Variants in CHST11 observed in about 807,000 individuals in gnomAD.
CHST11 encodes C4S-1.
CHST11 carries 9 observed loss-of-function variants against 30.4 expected under a neutral mutation model. The observed-to-expected ratio is 0.30, with a 90% CI of 0.18 to 0.52. CHST11 has a LOEUF of 0.52. Among genes scored for constraint, CHST11 ranks in the 20% least tolerant of loss-of-function variants. CHST11 has a pLI of 0.97. For missense variants in CHST11, 348 were observed against 460.6 expected, an observed-to-expected ratio of 0.76 and a Z score of 2.24; for synonymous variants, 152 against 187.8, an observed-to-expected ratio of 0.81 and a Z score of 1.56.
At chr12:104,632,542 CTG>C (rs1297361660) in intron 2 of CHST11, among the ~76,000 whole-genome samples, 3 of 152,258 alleles carry the variant, frequency 2.0e-5, no homozygotes, top group Non-Finnish European at 4.4e-5. Context: ...GATTCTCTAA[CTG>C]TGGAATTTCA....
At chr12:104,708,865 C>T (rs1018572249) in intron 2 of CHST11, among the ~76,000 whole-genome samples, 11 of 152,188 alleles carry the variant, frequency 7.2e-5, no homozygotes, top group African/African-American at 2.2e-4. Context: ...CCTCGGGTGC[C>T]CCAGTGAGCA....
At chr12:104,688,438 C>T (rs2039868504) in intron 2 of CHST11, among the ~76,000 whole-genome samples, 1 of 152,138 alleles carries the variant, frequency 6.6e-6, no homozygotes, top group Admixed American at 6.5e-5. Flanking sequence ...TGAGATGTGG[C>T]CCCAGATAGC....
chr12:104,521,567 A>G lies in CHST11; in HGVS notation c.118+64038A>G, dbSNP rs78807855. Among the ~76,000 whole-genome samples the G allele has an allele frequency of 7.3e-3, 1,112 of 152,314 alleles. 17 individuals carry two copies. The highest frequency in any genetic ancestry group is 0.025 in the African/African-American group (1,059 of 41,564). ...TGGTCATAGAGAGCTAGCTCTCCTG[A>G]CGCTTAGCTCAGACCTAATTCCAGG... On this transcript the variant is annotated intron_variant, in intron 1 of 2. Transcript: ENST00000303694.
intron 2 of CHST11, among the ~76,000 whole-genome samples, chr12:104,624,690 T>A (rs2039194880): frequency 6.6e-6 from 1 of 152,190 alleles, no homozygotes; most frequent in Admixed American, 6.5e-5. Context: ...CTAGCTAGTA[T>A]TGGGATTACA....
chr12:104,665,812 CTTTTTTTTTTTTTTTTTT>C (rs59199522), intron 2 of CHST11, among the ~76,000 whole-genome samples: 1 of 78,842 alleles, frequency 1.3e-5, no homozygotes, highest in African/African-American at 5.5e-5. Context: ...CTCTCTGTCT[CTTTTTTTTTTTTTTTTTT>C]TTTTTTTTGA....
intron 2 of CHST11, among the ~76,000 whole-genome samples, chr12:104,689,991 G>T (rs1012803253): frequency 1.7e-4 from 26 of 152,224 alleles, no homozygotes; most frequent in African/African-American, 5.5e-4. Flanking sequence ...ACCCAGAGGG[G>T]ATTTTGCATG....
chr12:104,504,895 T>G (rs372216031), intron 1 of CHST11, among the ~76,000 whole-genome samples: 98 of 152,270 alleles, frequency 6.4e-4, no homozygotes, highest in African/African-American at 2.3e-3. Context: ...TTAATCAATA[T>G]TTTAAAAATG....
chr12:104,708,994 A>C (rs1278080521), intron 2 of CHST11, among the ~76,000 whole-genome samples: 3 of 150,678 alleles, frequency 2.0e-5, no homozygotes, highest in Non-Finnish European at 4.4e-5. Flanking sequence ...AGGAATGGGG[A>C]TCAGCCATCC....
At chr12:104,725,005 G>T (rs917277826) in intron 2 of CHST11, among the ~76,000 whole-genome samples, 7 of 152,100 alleles carry the variant, frequency 4.6e-5, no homozygotes, top group African/African-American at 1.7e-4. Flanking sequence ...GTGTCTTGGT[G>T]CTTTAGGGCT....
intron 2 of CHST11, among the ~76,000 whole-genome samples, chr12:104,671,738 T>C (rs948394714): frequency 3.9e-5 from 6 of 152,080 alleles, no homozygotes; most frequent in African/African-American, 1.4e-4. Context: ...ATCTCTATCT[T>C]TCTCTCTCTT....
intron 1 of CHST11, among the ~76,000 whole-genome samples, chr12:104,475,660 A>ATC (rs2037550574): frequency 1.9e-5 from 1 of 52,424 alleles, no homozygotes; most frequent in Admixed American, 2.0e-4. Flanking sequence ...AAGCAGCATT[A>ATC]TATATATATA....
intron 1 of CHST11, among the ~76,000 whole-genome samples, chr12:104,528,458 C>T (rs1325373432): frequency 6.6e-6 from 1 of 152,216 alleles, no homozygotes; most frequent in East Asian, 1.9e-4. Flanking sequence ...TCCTTTAACT[C>T]ACTCTTCATT....
intron 2 of CHST11, among the ~76,000 whole-genome samples, chr12:104,718,809 A>T (rs1255329487): frequency 6.6e-6 from 1 of 152,176 alleles, no homozygotes; most frequent in African/African-American, 2.4e-5. Flanking sequence ...TTAATGAAAA[A>T]TTTCATTCCG....
At chr12:104,637,864 C>T (rs942730430) in intron 2 of CHST11, among the ~76,000 whole-genome samples, 24 of 152,116 alleles carry the variant, frequency 1.6e-4, no homozygotes, top group Admixed American at 1.4e-3. Context: ...TTTGCCGCAC[C>T]CCCCCACCCC....
rs536231609 is a variant in CHST11 at position 104,722,730 on chromosome 12, C to T, written c.205-34219C>T. Among the ~76,000 whole-genome samples, 21 of 152,178 alleles carry T rather than the reference C, an allele frequency of 1.4e-4. No individual in the cohort carries two copies. The South Asian group carries it at 4.4e-3, about 32-fold the overall frequency. ...CCAAAGAAAACAAGGCCCCATCCCC[C>T]TGCAGGTCATCTTTCTGTTTCCTGC... On this transcript the variant is annotated intron_variant, in intron 2 of 2. Coordinates refer to ENST00000303694, the MANE Select transcript of CHST11 (RefSeq NM_018413.6).
At chr12:104,540,188 AC>A (rs1360905359) in intron 1 of CHST11, among the ~76,000 whole-genome samples, 2 of 152,346 alleles carry the variant, frequency 1.3e-5, no homozygotes, top group East Asian at 3.9e-4. Context: ...GGTTGGTTGA[AC>A]CCATGAGTGT....
At chr12:104,476,893 C>G (rs1264948608) in intron 1 of CHST11, among the ~76,000 whole-genome samples, 3 of 151,454 alleles carry the variant, frequency 2.0e-5, no homozygotes, top group Non-Finnish European at 1.5e-5. Context: ...TCCCCAGTCC[C>G]TGGCGTATGA....
intron 1 of CHST11, among the ~76,000 whole-genome samples, chr12:104,475,414 A>G (rs2037547144): frequency 6.6e-6 from 1 of 151,888 alleles, no homozygotes; most frequent in African/African-American, 2.4e-5. Flanking sequence ...AGGAAGGAAC[A>G]TTTGAGCTGG....
intron 2 of CHST11, among the ~76,000 whole-genome samples, chr12:104,700,389 G>A (rs1381793343): frequency 6.6e-6 from 1 of 152,172 alleles, no homozygotes; most frequent in Non-Finnish European, 1.5e-5. Flanking sequence ...TTATTCCACA[G>A]GAGTCACTGT....
Sources: allele counts gnomAD v4.1 joint callset (sites outside exome capture counted in the v4.1 genomes callset), GRCh38; gene constraint gnomAD v4.1.1; transcripts MANE v1.5; gene names NCBI Gene and HGNC (gene_info 2026-07-23, HGNC 2026-07-21).